Variants in BRINP2 observed in about 807,000 individuals in gnomAD.
The protein encoded by BRINP2 is BMP/retinoic acid-inducible neural-specific protein 2.
In BRINP2, 21 loss-of-function variants were observed where a neutral mutation model predicts 69.2. The ratio of observed to expected loss-of-function variants is 0.30; its 90% CI spans 0.22 to 0.44. The LOEUF (loss-of-function observed/expected upper bound fraction) is 0.44. Among genes scored for constraint, BRINP2 ranks in the 20% least tolerant of loss-of-function variants. The probability of loss-of-function intolerance (pLI) is 1.00; values close to 1 mark genes in which losing one functional copy is unlikely to be tolerated. For missense variants in BRINP2, 877 were observed against 986.0 expected, an observed-to-expected ratio of 0.89 and a Z score of 1.48; for synonymous variants, 380 against 394.1, an observed-to-expected ratio of 0.96 and a Z score of 0.42.
intron 2 of BRINP2, among the ~76,000 whole-genome samples, chr1:177,249,696 G>C (rs926309873): frequency 2.6e-5 from 4 of 152,154 alleles, no homozygotes; most frequent in African/African-American, 9.7e-5. Context: ...AAAGAGCCTT[G>C]ATTATTCTAT....
intron 2 of BRINP2, among the ~76,000 whole-genome samples, chr1:177,238,368 C>A (rs1373953562): frequency 1.3e-5 from 2 of 152,246 alleles, no homozygotes; most frequent in African/African-American, 2.4e-5. Context: ...GCCAGTCCTA[C>A]AATCCTGCCT....
chr1:177,193,753 A>G (rs1405761268), intron 1 of BRINP2, among the ~76,000 whole-genome samples: 2 of 152,202 alleles, frequency 1.3e-5, no homozygotes, highest in African/African-American at 4.8e-5. Flanking sequence ...TACAGCAGAC[A>G]CTGTTGGGGC....
In BRINP2 at chr1:177,276,382, G is replaced by A; in HGVS notation, c.960G>A (p.Leu320=). The part of the protein sequence containing the change: ...DADIQAMEDS[L]LQIQDSWATH... ...ACATCCAGGCCATGGAGGACAGCCT[G>A]CTGCAGATCCAGGACTCCTGGGCCA... is the stretch of plus-strand genomic sequence containing the variant. Residue 320 remains leucine (L), a synonymous_variant, in exon 6 of 8, where the codon CTG becomes CTA. Transcript: ENST00000361539. 6.2e-7 allele frequency: 1 copy of A among 1,614,190 alleles called. No individual in the cohort carries two copies. Among genetic ancestry groups the A allele is most frequent in the African/African-American group, 1.3e-5 (1 of 75,056 alleles).
At chr1:177,253,436 A>T (rs1650646488) in intron 2 of BRINP2, among the ~76,000 whole-genome samples, 1 of 152,164 alleles carries the variant, frequency 6.6e-6, no homozygotes, top group Non-Finnish European at 1.5e-5. Context: ...TATTCTGGAT[A>T]TTAACCCCTT....
At position 177,256,017 on chromosome 1, in the gene BRINP2, G is replaced by A. The variant is rs1415985229; in HGVS notation, c.368G>A (p.Arg123His). 6.2e-7 allele frequency: 1 copy of A among 1,614,116 alleles called. No individual in the cohort carries two copies. Among genetic ancestry groups the A allele is most frequent in the Non-Finnish European group, 8.5e-7 (1 of 1,180,020 alleles). The change falls in exon 3 of 8, where the codon CGC becomes CAC. Residue 123 changes from arginine to histidine, a missense_variant. Physicochemically the swap from Arg to His is conservative, Grantham distance 29. Transcript: ENST00000361539. The part of the protein sequence containing the change: ...PLAPEFIRNI[R>H]LLGRRPNLQQ... ...GCCCCAGAGTTTATCCGGAACATTC[G>A]CCTCCTTGGAAGGAGACCCAATCTG...
chr1:177,238,174 G>A (rs1256046706), intron 2 of BRINP2, among the ~76,000 whole-genome samples: 2 of 152,196 alleles, frequency 1.3e-5, no homozygotes, highest in Non-Finnish European at 1.5e-5. Flanking sequence ...GAAGACCCAC[G>A]TATGCAAAGG....
intron 1 of BRINP2, among the ~76,000 whole-genome samples, chr1:177,222,696 T>TAAA (rs999499043): frequency 2.2e-5 from 3 of 138,700 alleles, no homozygotes; most frequent in African/African-American, 7.9e-5. Context: ...ATTGTTATCT[T>TAAA]AAAAAAAAAA....
In BRINP2 at chr1:177,270,105, T is replaced by G. The variant is rs529554345; in HGVS notation, c.670-3383T>G. 8.6e-5 allele frequency among the ~76,000 whole-genome samples: 13 copies of G among 151,464 alleles called. No individual in the cohort carries two copies. The South Asian group carries it at 2.7e-3, about 32-fold the overall frequency. On this transcript the variant is annotated intron_variant, in intron 4 of 7. Transcript: ENST00000361539. Reference sequence around the variant, plus strand: ...GGTGGGGGGGGTGGTTCTCAAGCTATTCTGCTTACTCAAGTCAGTACTCAG... The same window carrying G: ...GGTGGGGGGGGTGGTTCTCAAGCTAGTCTGCTTACTCAAGTCAGTACTCAG...
At chr1:177,203,040 T>C (rs545254212) in intron 1 of BRINP2, among the ~76,000 whole-genome samples, 21 of 151,960 alleles carry the variant, frequency 1.4e-4, no homozygotes, top group African/African-American at 5.1e-4. Context: ...ATGTTTATTG[T>C]GGCACTATTC....
At chr1:177,211,020 T>C (rs1362365047) in intron 1 of BRINP2, among the ~76,000 whole-genome samples, 1 of 149,628 alleles carries the variant, frequency 6.7e-6, no homozygotes, top group African/African-American at 2.4e-5. Context: ...TATGTACATG[T>C]ATATATATGG....
chr1:177,205,449 T>A (rs1369336007), intron 1 of BRINP2, among the ~76,000 whole-genome samples: 1 of 152,200 alleles, frequency 6.6e-6, no homozygotes, highest in Non-Finnish European at 1.5e-5. Flanking sequence ...TGGCCTCCAT[T>A]TTTCTTCAAC....
At chr1:177,275,083 G>T (rs1291951228) in intron 5 of BRINP2, 2 of 455,834 alleles carry the variant, frequency 4.4e-6, no homozygotes, top group Admixed American at 2.3e-5. Context: ...CTGGCACAAG[G>T]TCTCACAGTG....
Position 177,227,950 on chromosome 1 carries a change from A to G in BRINP2, c.-76-1851A>G, listed in dbSNP as rs886204678. On this transcript the variant is annotated intron_variant, in intron 1 of 7. Coordinates refer to ENST00000361539, the MANE Select transcript of BRINP2 (RefSeq NM_021165.4). Reference sequence around the variant, plus strand: ...CTGCCTCATTATTCTTTCTTCTTTCAGCCCCCACCTCTAGTTCATTAAGCG... The same window carrying G: ...CTGCCTCATTATTCTTTCTTCTTTCGGCCCCCACCTCTAGTTCATTAAGCG... Among the ~76,000 whole-genome samples the G allele has an allele frequency of 2.0e-5, 3 of 152,094 alleles. No homozygotes were observed. In the South Asian group the frequency reaches 6.2e-4, roughly 31 times the overall value.
intron 1 of BRINP2, among the ~76,000 whole-genome samples, chr1:177,176,464 AT>A: frequency 6.6e-6 from 1 of 151,244 alleles, no homozygotes; most frequent in South Asian, 2.1e-4. Flanking sequence ...TTTCTTTTTT[AT>A]TTTTTAATGT....
At chr1:177,210,463 A>G (rs1649191114) in intron 1 of BRINP2, among the ~76,000 whole-genome samples, 1 of 152,150 alleles carries the variant, frequency 6.6e-6, no homozygotes, top group African/African-American at 2.4e-5. Context: ...ATATTTGTAT[A>G]TAGGAATGGA....
chr1:177,173,930 A>C (rs903027181), intron 1 of BRINP2, among the ~76,000 whole-genome samples: 3 of 152,064 alleles, frequency 2.0e-5, no homozygotes, highest in Non-Finnish European at 4.4e-5. Context: ...TGTTTTCCCC[A>C]CTGCGCAGTG....
chr1:177,203,943 A>G (rs142981656), intron 1 of BRINP2, among the ~76,000 whole-genome samples: 110 of 152,318 alleles, frequency 7.2e-4, no homozygotes, highest in Non-Finnish European at 1.4e-3. Context: ...TAAAGCCCTG[A>G]TGCTGGAACT....
At chr1:177,255,520 G>A (rs1014815469) in intron 2 of BRINP2, among the ~76,000 whole-genome samples, 2 of 152,212 alleles carry the variant, frequency 1.3e-5, no homozygotes, top group Admixed American at 1.3e-4. Context: ...GAGTAACTGA[G>A]GCCATGAGAG....
chr1:177,210,198 T>A (rs1649183934), intron 1 of BRINP2, among the ~76,000 whole-genome samples: 1 of 152,220 alleles, frequency 6.6e-6, no homozygotes, highest in East Asian at 1.9e-4. Context: ...AGTTAATATT[T>A]ATCTAGTGCT....
Sources: gnomAD v4.1 joint callset for allele counts (sites outside exome capture counted in the v4.1 genomes callset) on GRCh38, gnomAD v4.1.1 for gene constraint, MANE v1.5 for transcripts, NCBI Gene and HGNC (gene_info 2026-07-23, HGNC 2026-07-21) for gene names.